Variants in NKD2 observed in about 807,000 individuals in gnomAD.
The protein encoded by NKD2 is NKD inhibitor of Wnt signaling pathway 2, also known as protein naked cuticle homolog 2.
A neutral mutation model predicts 34.8 loss-of-function variants in NKD2; 43 were observed. That is an observed-to-expected ratio of 1.24 (90% CI 0.97 to 1.60). NKD2 has a LOEUF of 1.60. Ranked by LOEUF, NKD2 falls within the 40% of genes most tolerant of loss-of-function variation. NKD2 has a pLI of 0.00. For missense variants in NKD2, 675 were observed against 627.1 expected (o/e 1.08, Z -0.82); for synonymous variants, 278 against 265.1 (o/e 1.05, Z -0.47).
chr5:1,026,284 GCGTCCCAGCCCTT>G (rs1756394889), intron 3 of NKD2, among the ~76,000 whole-genome samples: 2 of 47,276 alleles, frequency 4.2e-5, no homozygotes, highest in Non-Finnish European at 1.1e-4. Context: ...CCCGCTGTGG[GCGTCCCAGCCCTT>G]TGTCCCTGCT....
chr5:1,034,889 C>T lies in NKD2; in HGVS notation c.560C>T (p.Pro187Leu). ...PEPSSKRKEGPPAGQDREPTR... is the reference protein window; with the variant it reads ...PEPSSKRKEGLPAGQDREPTR... ...CCCTCCAGCAAGAGGAAGGAGGGTCCTCCTGCTGGCCAGGGTGAGTGAGGC... is the reference window on the plus strand; with the variant it reads ...CCCTCCAGCAAGAGGAAGGAGGGTCTTCCTGCTGGCCAGGGTGAGTGAGGC... Residue 187 changes from proline (P) to leucine (L), a missense_variant, in exon 7 of 10, where the codon CCT becomes CTT. By Grantham distance (98) the Pro-to-Leu change is moderately conservative (BLOSUM62 -3). Transcript: ENST00000296849. 1 of 1,610,154 alleles carries T rather than the reference C, an allele frequency of 6.2e-7. No homozygotes were observed. The highest frequency in any genetic ancestry group is 1.1e-5 in the South Asian group (1 of 90,606).
At chr5:1,010,285 A>G (rs577887113) in intron 3 of NKD2, among the ~76,000 whole-genome samples, 2 of 152,350 alleles carry the variant, frequency 1.3e-5, no homozygotes, top group East Asian at 3.9e-4. Flanking sequence ...TTTGATGGTC[A>G]TCAGTGTCAG....
chr5:1,032,713 C>G (rs960805142), intron 4 of NKD2, among the ~76,000 whole-genome samples: 8 of 152,214 alleles, frequency 5.3e-5, no homozygotes, highest in African/African-American at 1.9e-4. Flanking sequence ...CTTCGGATGG[C>G]TGCTGAAGCC....
chr5:1,036,335 C>T lies in NKD2; in HGVS notation c.738C>T (p.His246=). 1 of 1,613,042 alleles carries T rather than the reference C, an allele frequency of 6.2e-7. No homozygotes were observed. Among genetic ancestry groups the T allele is most frequent in the African/African-American group, 1.3e-5 (1 of 75,028 alleles). Residue 246 remains histidine (H), a synonymous_variant, in exon 9 of 10, where the codon CAC becomes CAT. Coordinates refer to ENST00000296849, the MANE Select transcript of NKD2 (RefSeq NM_033120.4). ...ACGAGAACACGGAGCGCAGAAACCA[C>T]TACCTGGACCTCGCCGGGATTGAGA... The part of the protein sequence containing the change: ...CVDENTERRN[H]YLDLAGIENY...
chr5:1,021,536 G>C (rs968545771), intron 3 of NKD2, among the ~76,000 whole-genome samples: 1 of 151,584 alleles, frequency 6.6e-6, no homozygotes, highest in African/African-American at 2.4e-5. Flanking sequence ...CAGTGTTGCT[G>C]TAGCCTTTCT....
rs1561004198 is a variant in NKD2, at chr5:1,038,481, C to CCCCACCT, written c.*111_*117dup. ...GCCCATGGGGAGCCCAGCCCCCACC[C>CCCCACCT]CCCACCTCCGACAGCAAACAGCAAC... On this transcript the variant is annotated 3_prime_UTR_variant, in exon 10 of 10. Coordinates refer to ENST00000296849, the MANE Select transcript of NKD2 (RefSeq NM_033120.4). This position sits in a 1 kb window ranked among gnomAD's most constrained non-coding sequence, Gnocchi z 4.5. 2.0e-6 allele frequency: 3 copies of CCCCACCT among 1,530,536 alleles called. No individual in the cohort carries two copies. Among genetic ancestry groups the CCCCACCT allele is most frequent in the South Asian group, 2.4e-5 (2 of 83,888 alleles). The allele number at this position is 1,530,536 out of a possible 1,614,324, so 94.8% of individuals were successfully genotyped here.
intron 3 of NKD2, among the ~76,000 whole-genome samples, chr5:1,017,624 G>A (rs1057295373): frequency 1.3e-5 from 2 of 152,054 alleles, no homozygotes; most frequent in African/African-American, 4.8e-5. Flanking sequence ...GCTGAGTCCC[G>A]GAGCCAGGAC....
chr5:1,016,242 G>A (rs1257290682), intron 3 of NKD2, among the ~76,000 whole-genome samples: 3 of 152,248 alleles, frequency 2.0e-5, no homozygotes, highest in African/African-American at 7.2e-5. Flanking sequence ...ACCCCGATCC[G>A]CTCTCACGGC....
chr5:1,033,722 C>G (rs1039205296), intron 5 of NKD2, among the ~76,000 whole-genome samples: 6 of 152,254 alleles, frequency 3.9e-5, no homozygotes, highest in Non-Finnish European at 5.9e-5. Context: ...TTGGCCAAAA[C>G]TGACTGGTCT....
rs886679625 is a variant in NKD2 at position 1,034,136 on chromosome 5, G to A, written c.331-99G>A. On this transcript the variant is annotated intron_variant, in intron 5 of 9. Transcript: ENST00000296849. ...CTCCGCCTTTCCTAGCTGGCATGAG[G>A]GACCCCTGGGAAAGGCCCCAGAAGA... The A allele has an allele frequency of 9.6e-6, 8 of 835,814 alleles. No individual in the cohort carries two copies. In the African/African-American group the frequency reaches 1.4e-4, roughly 14 times the overall value. The allele number at this position is 835,814 out of a possible 1,614,324, so 51.8% of individuals were successfully genotyped here. A position where few individuals can be genotyped will look rare whatever the true frequency, so the allele number is the denominator to read the frequency against.
At chr5:1,034,176 G>T (rs932761134) in intron 5 of NKD2, 59 bp from the exon 6 acceptor site, 2 of 1,222,128 alleles carry the variant, frequency 1.6e-6, no homozygotes, top group African/African-American at 3.0e-5. Flanking sequence ...TCCCCCTGTG[G>T]AGTTGGGCGT....
chr5:1,011,121 T>C (rs537091925), intron 3 of NKD2, among the ~76,000 whole-genome samples: 1 of 152,372 alleles, frequency 6.6e-6, no homozygotes, highest in African/African-American at 2.4e-5. Context: ...TGTTACCTTC[T>C]AATTTTGCCA....
rs1362870408 is a variant in NKD2, at chr5:1,013,092, G to A, written c.141+3532G>A. Among the ~76,000 whole-genome samples the A allele has an allele frequency of 2.6e-5, 4 of 151,956 alleles. No homozygotes were observed. In the East Asian group the frequency reaches 7.7e-4, roughly 29 times the overall value. ...CACGTGCCACACAGAAGGAGAGGTT[G>A]TGGGTGCCCAGTCCACCCAGCTCTG... On this transcript the variant is annotated intron_variant, in intron 3 of 9. Transcript: ENST00000296849.
intron 3 of NKD2, among the ~76,000 whole-genome samples, chr5:1,010,801 T>C (rs1489395191): frequency 6.6e-6 from 1 of 152,200 alleles, no homozygotes; most frequent in Non-Finnish European, 1.5e-5. Context: ...TGTGAGCACC[T>C]GGGGTGGGCG....
chr5:1,029,886 C>T (rs1409732382), intron 3 of NKD2, among the ~76,000 whole-genome samples: 2 of 152,156 alleles, frequency 1.3e-5, no homozygotes, highest in Admixed American at 1.3e-4. Flanking sequence ...CGCGCTGGCC[C>T]TCAGGCCCCA....
intron 3 of NKD2, among the ~76,000 whole-genome samples, chr5:1,011,636 G>A (rs570422471): frequency 3.3e-5 from 5 of 152,194 alleles, no homozygotes; most frequent in Non-Finnish European, 7.3e-5. Context: ...GCCACAGAAC[G>A]GTGGCAGAGA....
intron 3 of NKD2, among the ~76,000 whole-genome samples, chr5:1,028,243 T>C (rs1024368275): frequency 1.3e-5 from 2 of 151,920 alleles, no homozygotes; most frequent in African/African-American, 4.8e-5. Context: ...CTCGGGGTGG[T>C]TGGCTCACAG....
chr5:1,019,287 G>A (rs1756080437), intron 3 of NKD2, among the ~76,000 whole-genome samples: 1 of 152,130 alleles, frequency 6.6e-6, no homozygotes, highest in South Asian at 2.1e-4. Context: ...CCTTGGATCC[G>A]GTGCCCTTCC....
At chr5:1,016,075 G>A (rs1167102537) in intron 3 of NKD2, among the ~76,000 whole-genome samples, 1 of 152,246 alleles carries the variant, frequency 6.6e-6, no homozygotes, top group Non-Finnish European at 1.5e-5. Flanking sequence ...GTGTGTGAGA[G>A]GGGTCTGCCC....
Sources: gnomAD v4.1 joint callset for allele counts (sites outside exome capture counted in the v4.1 genomes callset) on GRCh38, gnomAD v4.1.1 for gene constraint, Gnocchi (gnomAD v3.1) non-coding constraint, MANE v1.5 for transcripts, NCBI Gene and HGNC (gene_info 2026-07-23, HGNC 2026-07-21) for gene names.